The following PLCB1 variants were observed in gnomAD, a reference collection of about 807,000 sequenced individuals.
PLCB1 encodes the protein 1-phosphatidylinositol 4,5-bisphosphate phosphodiesterase beta-1.
A neutral mutation model predicts 161.8 loss-of-function variants in PLCB1; 46 were observed. The ratio of observed to expected loss-of-function variants is 0.28; its 90% CI spans 0.22 to 0.36. The LOEUF (loss-of-function observed/expected upper bound fraction) is 0.36. PLCB1 is among the 10% of genes least tolerant of loss of function. PLCB1 has a pLI of 1.00. For synonymous variants in PLCB1, 517 were observed against 503.7 expected (o/e 1.03, Z -0.35); for missense variants, 1,016 against 1,472.5 (o/e 0.69, Z 5.07).
At chr20:8,257,254 CA>C (rs1442820786) in intron 2 of PLCB1, among the ~76,000 whole-genome samples, 1 of 152,076 alleles carries the variant, frequency 6.6e-6, no homozygotes, top group Admixed American at 6.6e-5. Flanking sequence ...GTAGTTTCAT[CA>C]ACCAAGTCTA....
intron 3 of PLCB1, among the ~76,000 whole-genome samples, chr20:8,523,582 A>G (rs1984465771): frequency 6.8e-6 from 1 of 146,466 alleles, no homozygotes; most frequent in African/African-American, 2.6e-5. Context: ...CCGTGAACGA[A>G]TCTAGCAGTA....
intron 26 of PLCB1, among the ~76,000 whole-genome samples, chr20:8,768,117 C>T (rs915597960): frequency 2.6e-5 from 4 of 151,888 alleles, no homozygotes; most frequent in Non-Finnish European, 4.4e-5. Context: ...TGCAGTGAGC[C>T]GAGATGGTGC....
intron 9 of PLCB1, among the ~76,000 whole-genome samples, chr20:8,663,439 G>A (rs776376894): frequency 2.0e-5 from 3 of 151,960 alleles, no homozygotes; most frequent in South Asian, 2.1e-4. Flanking sequence ...TGCCAAAGCC[G>A]ACCATAGTTT....
At chr20:8,817,944 C>A (rs1465490833) in intron 31 of PLCB1, among the ~76,000 whole-genome samples, 1 of 152,036 alleles carries the variant, frequency 6.6e-6, no homozygotes, top group African/African-American at 2.4e-5. Context: ...ATTTAAAATG[C>A]AATGCATAGT....
chr20:8,144,627 C>T lies in PLCB1; in HGVS notation c.100-5667C>T, dbSNP rs568795134. Among the ~76,000 whole-genome samples the T allele has an allele frequency of 8.0e-4, 122 of 152,280 alleles. 1 individual carries two copies. Among genetic ancestry groups the T allele is most frequent in the South Asian group, 6.0e-3 (29 of 4,818 alleles). On this transcript the variant is annotated intron_variant, in intron 1 of 31. Coordinates refer to ENST00000338037, the MANE Select transcript of PLCB1 (RefSeq NM_015192.4). Reference sequence around the variant, plus strand: ...ATTCCTCACCTGGCATCCAAGACTACGTTTATAATGTTTTCATTTCATAGT... The same window carrying T: ...ATTCCTCACCTGGCATCCAAGACTATGTTTATAATGTTTTCATTTCATAGT...
intron 3 of PLCB1, among the ~76,000 whole-genome samples, chr20:8,446,176 C>A (rs1038378190): frequency 6.6e-6 from 1 of 152,108 alleles, no homozygotes; most frequent in Non-Finnish European, 1.5e-5. Context: ...GCTGGCAAAC[C>A]GAATCCAGCA....
chr20:8,400,242 T>C (rs1453325513), intron 3 of PLCB1, among the ~76,000 whole-genome samples: 1 of 152,150 alleles, frequency 6.6e-6, no homozygotes, highest in African/African-American at 2.4e-5. Flanking sequence ...AAAGATATTT[T>C]AAGTTGAATA....
intron 22 of PLCB1, 115 bp downstream of exon 22, chr20:8,740,563 C>A: frequency 1.9e-6 from 1 of 519,516 alleles, no homozygotes. Flanking sequence ...GAGATTCTGG[C>A]TTCAGAATCA....
At chr20:8,413,985 T>C (rs1402162138) in intron 3 of PLCB1, among the ~76,000 whole-genome samples, 1 of 152,234 alleles carries the variant, frequency 6.6e-6, no homozygotes, top group Non-Finnish European at 1.5e-5. Context: ...ATATGGCCAC[T>C]CCTGACTTCC....
chr20:8,196,114 A>C (rs2052021410), intron 2 of PLCB1, among the ~76,000 whole-genome samples: 1 of 152,084 alleles, frequency 6.6e-6, no homozygotes, highest in Non-Finnish European at 1.5e-5. Context: ...CCCATCATTC[A>C]ATTGTCTCCA....
intron 31 of PLCB1, among the ~76,000 whole-genome samples, chr20:8,842,538 G>C (rs911242361): frequency 1.3e-5 from 2 of 152,148 alleles, no homozygotes; most frequent in African/African-American, 4.8e-5. Flanking sequence ...ACGAGCCGCA[G>C]ACAAGAACCC....
At chr20:8,327,667 G>T (rs980573204) in intron 2 of PLCB1, among the ~76,000 whole-genome samples, 1 of 151,954 alleles carries the variant, frequency 6.6e-6, no homozygotes, top group African/African-American at 2.4e-5. Context: ...AGAATATCAG[G>T]GTCTTCCTAA....
rs372734005 is a variant in PLCB1, at chr20:8,881,897, C to T, written c.*48C>T. The T allele has an allele frequency of 3.3e-5, 40 of 1,208,972 alleles. No homozygotes were observed. Among genetic ancestry groups the T allele is most frequent in the South Asian group, 3.7e-5 (3 of 80,932 alleles). 74.9% of individuals were successfully genotyped at this position (1,208,972 alleles called of 1,614,324 possible). On this transcript the variant is annotated 3_prime_UTR_variant, in exon 32 of 32. Transcript: ENST00000338037. Reference sequence around the variant, plus strand: ...AATTGCATGGCCACTCCAGCGTCATCGGACTCTCTCTTATTACAAAGATCA... The same window carrying T: ...AATTGCATGGCCACTCCAGCGTCATTGGACTCTCTCTTATTACAAAGATCA...
intron 2 of PLCB1, among the ~76,000 whole-genome samples, chr20:8,321,458 T>C (rs1005018344): frequency 2.0e-5 from 3 of 152,116 alleles, no homozygotes; most frequent in Admixed American, 6.5e-5. Flanking sequence ...TTAATGAAAA[T>C]CAACTTTTAA....
At chr20:8,656,678 A>T (rs893427477) in intron 7 of PLCB1, among the ~76,000 whole-genome samples, 20 of 151,896 alleles carry the variant, frequency 1.3e-4, no homozygotes, top group Admixed American at 1.2e-3. Flanking sequence ...TTTAAACCAG[A>T]GGGAACATAG....
At chr20:8,865,106 A>G (rs1987382239) in intron 31 of PLCB1, among the ~76,000 whole-genome samples, 1 of 152,206 alleles carries the variant, frequency 6.6e-6, no homozygotes, top group South Asian at 2.1e-4. Flanking sequence ...TAGATTCTGT[A>G]TATACCTTAA....
intron 1 of PLCB1, among the ~76,000 whole-genome samples, chr20:8,140,439 T>A (rs1418794643): frequency 2.0e-5 from 3 of 152,236 alleles, no homozygotes; most frequent in Non-Finnish European, 4.4e-5. Context: ...AGTTTTCTCC[T>A]TCAGTACTAC....
chr20:8,325,060 G>A (rs545190169), intron 2 of PLCB1, among the ~76,000 whole-genome samples: 49 of 152,318 alleles, frequency 3.2e-4, no homozygotes, highest in Middle Eastern at 6.8e-3. Context: ...TTTTATTCAT[G>A]TAATAATCAT....
chr20:8,826,634 A>G (rs1453479363), intron 31 of PLCB1, among the ~76,000 whole-genome samples: 1 of 152,106 alleles, frequency 6.6e-6, no homozygotes, highest in African/African-American at 2.4e-5. Flanking sequence ...CCATTAACTT[A>G]AACTTCTTCT....
Sources: gnomAD v4.1 joint callset for allele counts (sites outside exome capture counted in the v4.1 genomes callset) on GRCh38, gnomAD v4.1.1 for gene constraint, MANE v1.5 for transcripts, NCBI Gene and HGNC (gene_info 2026-07-23, HGNC 2026-07-21) for gene names.